MPP7: variants seen among roughly 807,000 people sequenced by gnomAD.
MPP7 encodes MAGUK p55 scaffold protein 7, also known as MAGUK p55 subfamily member 7.
A neutral mutation model predicts 76.5 loss-of-function variants in MPP7; 60 were observed. The observed-to-expected ratio is 0.78, with a 90% CI of 0.64 to 0.97. The LOEUF (loss-of-function observed/expected upper bound fraction) is 0.97. Ranked by LOEUF, MPP7 falls within the 50% of genes least tolerant of loss-of-function variation. The probability of loss-of-function intolerance (pLI) is 0.00; values close to 1 mark genes in which losing one functional copy is unlikely to be tolerated. For synonymous variants in MPP7, 237 were observed against 244.5 expected (o/e 0.97, Z 0.29); for missense variants, 641 against 694.0 (o/e 0.92, Z 0.86).
intron 1 of MPP7, among the ~76,000 whole-genome samples, chr10:28,261,193 CACA>C (rs1455049676): frequency 1.3e-5 from 2 of 152,222 alleles, no homozygotes; most frequent in Non-Finnish European, 2.9e-5. Context: ...AGATCCTACA[CACA>C]GGTGAGAAAA....
intron 3 of MPP7, among the ~76,000 whole-genome samples, chr10:28,186,500 G>A (rs1165745634): frequency 1.3e-5 from 2 of 152,202 alleles, no homozygotes; most frequent in Non-Finnish European, 2.9e-5. Context: ...GAACTGTGAC[G>A]TTTTAAAATC....
intron 2 of MPP7, among the ~76,000 whole-genome samples, chr10:28,314,967 G>GCAAGAC (rs1169912798): frequency 8.6e-5 from 13 of 152,022 alleles, no homozygotes; most frequent in Admixed American, 8.5e-4. Flanking sequence ...GAGCAACATA[G>GCAAGAC]CAAGACCCAA....
At chr10:28,171,105 T>G (rs964945508) in intron 3 of MPP7, among the ~76,000 whole-genome samples, 2 of 152,178 alleles carry the variant, frequency 1.3e-5, no homozygotes, top group African/African-American at 4.8e-5. Context: ...AAGTGTCTAT[T>G]AGGTGTCGAG....
rs533142623 is a variant in MPP7, at chr10:28,202,338, G to T, written c.38-67C>A. 22 of 1,126,308 alleles carry T rather than the reference G, an allele frequency of 2.0e-5. No homozygotes were observed. The African/African-American group carries it at 3.1e-4, about 16-fold the overall frequency. The allele number at this position is 1,126,308 out of a possible 1,614,324, so 69.8% of individuals were successfully genotyped here. On this transcript the variant is annotated intron_variant, in intron 2 of 16. Transcript: ENST00000683449. ...ATCTCATTAATTTCGCCTAAGGTGT[G>T]TGTAAATGACAGCTGGAACATGCCA... is the stretch of plus-strand genomic sequence containing the variant.
At chr10:28,208,833 G>A (rs957626512) in intron 2 of MPP7, among the ~76,000 whole-genome samples, 1 of 152,186 alleles carries the variant, frequency 6.6e-6, no homozygotes, top group African/African-American at 2.4e-5. Flanking sequence ...ATATGAGGCT[G>A]ATATAGTTTA....
intron 1 of MPP7, among the ~76,000 whole-genome samples, chr10:28,296,551 T>C (rs572770590): frequency 6.6e-6 from 1 of 152,348 alleles, no homozygotes. Flanking sequence ...GCCAGTTCTA[T>C]ACCCAAAATG....
rs756117754 is a variant in MPP7 at position 28,310,254 on chromosome 10, G to A, written c.-132+19675C>T. Among the ~76,000 whole-genome samples, 17 of 152,116 alleles carry A rather than the reference G, an allele frequency of 1.1e-4. No individual in the cohort carries two copies. The South Asian group carries it at 1.7e-3, about 15-fold the overall frequency. Reference sequence around the variant, plus strand: ...TGGCCTCAGGTGAGCAGCCCACATCGGCCTCCCAAAGTGCTGGGATTACAG... The same window carrying A: ...TGGCCTCAGGTGAGCAGCCCACATCAGCCTCCCAAAGTGCTGGGATTACAG... On this transcript the variant is annotated intron_variant, in intron 2 of 11. Coordinates refer to the MPP7 transcript ENST00000441595.
At chr10:28,187,906 G>A (rs961550946) in intron 3 of MPP7, among the ~76,000 whole-genome samples, 1 of 152,166 alleles carries the variant, frequency 6.6e-6, no homozygotes. Context: ...AAATCTCATA[G>A]TGCTAATTTT....
intron 2 of MPP7, among the ~76,000 whole-genome samples, chr10:28,223,300 G>C (rs952544940): frequency 6.6e-6 from 1 of 152,158 alleles, no homozygotes; most frequent in African/African-American, 2.4e-5. Flanking sequence ...CACTGAGCTC[G>C]AATCTTCTGA....
chr10:28,287,420 G>A (rs566164243), intron 1 of MPP7, among the ~76,000 whole-genome samples: 1 of 152,316 alleles, frequency 6.6e-6, no homozygotes, highest in East Asian at 1.9e-4. Context: ...TGTGGAGATG[G>A]TAAATGTAAT....
chr10:28,191,176 C>T (rs1837399978), intron 3 of MPP7, among the ~76,000 whole-genome samples: 1 of 152,136 alleles, frequency 6.6e-6, no homozygotes. Flanking sequence ...GTCCAGATGG[C>T]TTCACTGGTG....
At chr10:28,183,077 TCAAA>T (rs924331391) in intron 3 of MPP7, among the ~76,000 whole-genome samples, 3 of 152,084 alleles carry the variant, frequency 2.0e-5, no homozygotes, top group Admixed American at 1.3e-4. Context: ...AAACGCCATC[TCAAA>T]CAAACAAACA....
chr10:28,126,971 G>GC (rs1296426744), intron 6 of MPP7, among the ~76,000 whole-genome samples: 1 of 152,128 alleles, frequency 6.6e-6, no homozygotes, highest in Non-Finnish European at 1.5e-5. Context: ...AAATGAAGGA[G>GC]CCCTCAGTTC....
At chr10:28,228,814 A>G (rs1838782388) in intron 2 of MPP7, among the ~76,000 whole-genome samples, 1 of 152,268 alleles carries the variant, frequency 6.6e-6, no homozygotes, top group African/African-American at 2.4e-5. Flanking sequence ...CTTCTTATAA[A>G]AATCATCATC....
Position 28,120,594 on chromosome 10 carries a change from C to T in MPP7, c.690G>A (p.Lys230=). 1.2e-6 allele frequency: 2 copies of T among 1,613,380 alleles called. No homozygotes were observed. The highest frequency in any genetic ancestry group is 1.3e-5 in the African/African-American group (1 of 75,002). The change falls in exon 9 of 17, where the codon AAG becomes AAA. Residue 230 remains lysine, a splice_region_variant and synonymous_variant. Transcript: ENST00000683449. ...AGAAATGTTTTTAAGCAATAATTACCTTGCCTTCTTTTGATGGTGTCTCCT... is the reference window on the plus strand; with the variant it reads ...AGAAATGTTTTTAAGCAATAATTACTTTGCCTTCTTTTGATGGTGTCTCCT... ...SKEETPSKEG[K]MFIKALFDYN...
intron 2 of MPP7, among the ~76,000 whole-genome samples, chr10:28,207,260 A>G (rs918893288): frequency 1.3e-5 from 2 of 152,214 alleles, no homozygotes; most frequent in Non-Finnish European, 2.9e-5. Flanking sequence ...TATAAAAAGC[A>G]ATATTTTTTA....
chr10:28,126,574 TC>T (rs758889802), intron 6 of MPP7, among the ~76,000 whole-genome samples: 51 of 152,344 alleles, frequency 3.3e-4, no homozygotes, highest in Non-Finnish European at 7.3e-4. Flanking sequence ...ATCATTCATC[TC>T]AATCATCATC....
At chr10:28,143,276 G>A (rs185893178) in intron 5 of MPP7, among the ~76,000 whole-genome samples, 2 of 152,260 alleles carry the variant, frequency 1.3e-5, no homozygotes, top group Admixed American at 1.3e-4. Flanking sequence ...AAACATATAA[G>A]CATAGGAAAA....
intron 2 of MPP7, among the ~76,000 whole-genome samples, chr10:28,210,880 C>T (rs1173487060): frequency 2.6e-5 from 4 of 152,170 alleles, no homozygotes; most frequent in Non-Finnish European, 5.9e-5. Flanking sequence ...TTTAACTACA[C>T]TGACTTATTT....
Sources: allele counts gnomAD v4.1 joint callset (sites outside exome capture counted in the v4.1 genomes callset), GRCh38; gene constraint gnomAD v4.1.1; transcripts MANE v1.5; gene names NCBI Gene and HGNC (gene_info 2026-07-23, HGNC 2026-07-21).